Variants in CACNA1S observed in about 807,000 individuals in gnomAD.
The protein encoded by CACNA1S is voltage-dependent L-type calcium channel subunit alpha-1S.
In CACNA1S, 126 loss-of-function variants were observed where a neutral mutation model predicts 207.4. The observed-to-expected ratio is 0.61, with a 90% CI of 0.53 to 0.70. The LOEUF (loss-of-function observed/expected upper bound fraction) is 0.70, where lower values mean the gene tolerates loss of function less well. Among genes scored for constraint, CACNA1S ranks in the 30% least tolerant of loss-of-function variants. The pLI is 0.00. For missense variants in CACNA1S, 2,349 were observed against 2,422.8 expected, an observed-to-expected ratio of 0.97 and a Z score of 0.64; for synonymous variants, 960 against 932.7, an observed-to-expected ratio of 1.03 and a Z score of -0.53.
Position 201,040,088 on chromosome 1 carries a change from G to T in CACNA1S, c.5371-6C>A. On this transcript the variant is annotated splice_region_variant and splice_polypyrimidine_tract_variant and intron_variant, in intron 43 of 43. Transcript: ENST00000362061. ...AGGCCCCCTCGAACCAGAGCCTGCA[G>T]GGAGGAGAGTAGGCTGAGTGGGGTC... 1 of 1,614,196 alleles carries T rather than the reference G, an allele frequency of 6.2e-7. No homozygotes were observed. Among genetic ancestry groups the T allele is most frequent in the South Asian group, 1.1e-5 (1 of 91,082 alleles).
chr1:201,056,350 A>G (rs1393251958), intron 28 of CACNA1S, among the ~76,000 whole-genome samples: 3 of 151,960 alleles, frequency 2.0e-5, no homozygotes, highest in African/African-American at 7.2e-5. Flanking sequence ...CATTCCTCTC[A>G]CCCACACCCC....
intron 28 of CACNA1S, 41 bp downstream of exon 28, chr1:201,058,367 T>C: frequency 6.5e-7 from 1 of 1,540,880 alleles, no homozygotes; most frequent in Non-Finnish European, 9.0e-7. Context: ...CACATGCTCT[T>C]GGGCCCACCC....
At chr1:201,081,116 C>T (rs1203577766) in intron 10 of CACNA1S, among the ~76,000 whole-genome samples, 2 of 152,150 alleles carry the variant, frequency 1.3e-5, no homozygotes, top group African/African-American at 4.8e-5. Context: ...CTTTCCAGGG[C>T]CCTGGCTCTA....
At chr1:201,061,132 G>C (rs146524503) in intron 25 of CACNA1S, 135 bp downstream of exon 25, 4 of 776,672 alleles carry the variant, frequency 5.2e-6, no homozygotes, top group Non-Finnish European at 8.7e-6. Flanking sequence ...AGGGTGCATG[G>C]AGGCTAGGGC....
At chr1:201,067,079 A>G in intron 19 of CACNA1S, 86 bp from the exon 20 acceptor site, 1 of 858,322 alleles carries the variant, frequency 1.2e-6, no homozygotes, top group South Asian at 1.4e-5. Flanking sequence ...GCCTCTGCTC[A>G]GGAGAGCACT....
chr1:201,048,544 G>T, intron 36 of CACNA1S, 38 bp downstream of exon 36: 1 of 1,477,344 alleles, frequency 6.8e-7, no homozygotes, highest in Non-Finnish European at 9.4e-7. Flanking sequence ...ACAGCCTCTG[G>T]GAGAAAGGAG....
intron 22 of CACNA1S, 32 bp downstream of exon 22, chr1:201,065,805 GA>G: frequency 6.7e-7 from 1 of 1,488,518 alleles, no homozygotes; most frequent in Non-Finnish European, 9.4e-7. Flanking sequence ...CTGGGAGCGG[GA>G]GGGGGAGCTG....
At position 201,083,254 on chromosome 1, in the gene CACNA1S, A is replaced by G. The variant is rs146136274; in HGVS notation, c.1301T>C (p.Phe434Ser). Residue 434 changes from phenylalanine (F) to serine (S), a missense_variant, in exon 10 of 44, where the codon TTC becomes TCC. Phe to Ser is a radical substitution (Grantham distance 155, BLOSUM62 -2). Coordinates refer to ENST00000362061, the MANE Select transcript of CACNA1S (RefSeq NM_000069.3). The stretch of plus-strand genomic sequence containing the variant: ...AACGATGAGAATCACCAGCCAATAG[A>G]AGACCTTGGACTTCACGATGTCATG... ...KCHDIVKSKV[F>S]YWLVILIVAL... The G allele has an allele frequency of 3.3e-4, 533 of 1,614,118 alleles. 2 individuals are homozygous for G. Among genetic ancestry groups the G allele is most frequent in the Admixed American group, 8.3e-5 (5 of 60,006 alleles).
rs34374418 is a variant in CACNA1S at position 201,066,943 on chromosome 1, G to A, written c.2601C>T (p.Tyr867=). The A allele has an allele frequency of 1.2e-4, 193 of 1,614,220 alleles. No individual in the cohort carries two copies. The African/African-American group carries it at 2.2e-3, about 19-fold the overall frequency. The stretch of plus-strand genomic sequence containing the variant: ...CCACCAGCAGGTCCAGCATGTTGAA[G>A]TAATTGCGGCAGAAGGAACCCTTGT... ...FLHKGSFCRN[Y]FNMLDLLVVA... The change falls in exon 20 of 44, where the codon TAC becomes TAT. Residue 867 remains tyrosine (Y), a synonymous_variant. Transcript: ENST00000362061. This position sits in a 1 kb window ranked among gnomAD's most constrained non-coding sequence, Gnocchi z 4.3.
chr1:201,056,108 G>T (rs1660836291), intron 28 of CACNA1S, among the ~76,000 whole-genome samples: 1 of 74,970 alleles, frequency 1.3e-5, no homozygotes, highest in South Asian at 7.4e-4. Context: ...CACACACACT[G>T]GTTTTGCTCA....
chr1:201,071,871 C>T (rs757573655), intron 16 of CACNA1S, among the ~76,000 whole-genome samples: 2 of 152,236 alleles, frequency 1.3e-5, no homozygotes, highest in Non-Finnish European at 2.9e-5. Context: ...AAAATTCTTT[C>T]ATGCATTCAT....
intron 32 of CACNA1S, among the ~76,000 whole-genome samples, chr1:201,052,069 G>A (rs1251836769): frequency 6.6e-6 from 1 of 152,056 alleles, no homozygotes; most frequent in Non-Finnish European, 1.5e-5. Context: ...GCTCCTGCAC[G>A]CCCAGCAGGC....
intron 16 of CACNA1S, among the ~76,000 whole-genome samples, 186 bp from the exon 17 acceptor site, chr1:201,070,590 T>A (rs1470674106): frequency 6.6e-6 from 1 of 152,122 alleles, no homozygotes; most frequent in Non-Finnish European, 1.5e-5. Context: ...GTGAGCAGAT[T>A]TGAGCGTCAA....
At chr1:201,043,610 T>C (rs1353988009) in intron 39 of CACNA1S, 79 bp from the exon 40 acceptor site, 2 of 1,304,446 alleles carry the variant, frequency 1.5e-6, no homozygotes, top group African/African-American at 2.9e-5. Flanking sequence ...GACAGTGGTA[T>C]TGGGAACAAG....
intron 11 of CACNA1S, 21 bp downstream of exon 11, chr1:201,077,858 C>A (rs1191528458): frequency 6.3e-7 from 1 of 1,588,490 alleles, no homozygotes; most frequent in East Asian, 2.2e-5. Flanking sequence ...CCCGGGAGTG[C>A]CAGCCGACCC....
chr1:201,083,305 C>T lies in CACNA1S; in HGVS notation c.1250G>A (p.Trp417Ter). 1 of 1,614,206 alleles carries T rather than the reference C, an allele frequency of 6.2e-7. No individual in the cohort carries two copies. The highest frequency in any genetic ancestry group is 8.5e-7 in the Non-Finnish European group (1 of 1,180,034). The change falls in exon 10 of 44, where the codon TGG becomes TAG. Residue 417 changes from tryptophan to a stop codon, truncating the protein, a stop_gained. Coordinates refer to ENST00000362061, the MANE Select transcript of CACNA1S (RefSeq NM_000069.3). LOFTEE classifies it high-confidence loss of function. The stretch of plus-strand genomic sequence containing the variant: ...GCACTTCCAGCGAAAGATGCGGTTC[C>T]ACTGCCTCCAATGTCGGCTGAGGGA... Reference protein sequence around the residue: ...IIQFIRHWRQWNRIFRWKCHD... With the variant: ...IIQFIRHWRQ
chr1:201,057,202 C>CCTCA (rs1183907548), intron 28 of CACNA1S, among the ~76,000 whole-genome samples: 3 of 152,222 alleles, frequency 2.0e-5, no homozygotes, highest in Admixed American at 6.5e-5. Context: ...CTCTCTCTTA[C>CCTCA]CTCATCTCCA....
intron 24 of CACNA1S, among the ~76,000 whole-genome samples, 177 bp downstream of exon 24, chr1:201,061,767 T>C (rs1424258785): frequency 6.6e-6 from 1 of 152,234 alleles, no homozygotes; most frequent in East Asian, 1.9e-4. Flanking sequence ...AGACCCCTGG[T>C]CAGGCCTACT....
At chr1:201,097,505 C>T (rs996599932) in intron 2 of CACNA1S, among the ~76,000 whole-genome samples, 16 of 152,170 alleles carry the variant, frequency 1.1e-4, no homozygotes, top group African/African-American at 3.6e-4. Context: ...TCCAAGTAGA[C>T]CTCTTGCCTC....
Sources: allele counts gnomAD v4.1 joint callset (sites outside exome capture counted in the v4.1 genomes callset), GRCh38; gene constraint gnomAD v4.1.1; non-coding constraint Gnocchi (gnomAD v3.1); transcripts MANE v1.5; gene names NCBI Gene and HGNC (gene_info 2026-07-23, HGNC 2026-07-21).